Variants in BAIAP2 observed in about 807,000 individuals in gnomAD.
BAIAP2 encodes BAR/IMD domain-containing adapter protein 2.
A neutral mutation model predicts 63.0 loss-of-function variants in BAIAP2; 18 were observed. The ratio of observed to expected loss-of-function variants is 0.29; its 90% confidence interval spans 0.20 to 0.42. The LOEUF (loss-of-function observed/expected upper bound fraction) is 0.42, where lower values mean the gene tolerates loss of function less well. Among genes scored for constraint, BAIAP2 ranks in the 10% least tolerant of loss-of-function variants. The pLI is 1.00. For synonymous variants in BAIAP2, 386 were observed against 307.6 expected, an observed-to-expected ratio of 1.25 and a Z score of -2.67; for missense variants, 610 against 734.3, an observed-to-expected ratio of 0.83 and a Z score of 1.96.
chr17:81,095,733 CG>C (rs2057506528), intron 6 of BAIAP2, among the ~76,000 whole-genome samples: 2 of 152,256 alleles, frequency 1.3e-5, no homozygotes, highest in African/African-American at 4.8e-5. Context: ...GCCAGAGCAC[CG>C]TGCAGCCGTA....
chr17:81,075,062 C>T (rs930552560), intron 3 of BAIAP2, among the ~76,000 whole-genome samples: 1 of 152,220 alleles, frequency 6.6e-6, no homozygotes, highest in Non-Finnish European at 1.5e-5. Context: ...CTGTGTTGAG[C>T]CAGAGCCATT....
intron 3 of BAIAP2, among the ~76,000 whole-genome samples, chr17:81,076,934 T>G (rs1421371356): frequency 6.6e-6 from 1 of 152,102 alleles, no homozygotes; most frequent in Non-Finnish European, 1.5e-5. Context: ...TTGTGGCACT[T>G]CACTCCAGCC....
chr17:81,060,153 C>T (rs2050296427), intron 3 of BAIAP2, among the ~76,000 whole-genome samples: 1 of 152,196 alleles, frequency 6.6e-6, no homozygotes, highest in Non-Finnish European at 1.5e-5. Flanking sequence ...CTCTGGGAGT[C>T]AGGTTTTCTT....
intron 2 of BAIAP2, among the ~76,000 whole-genome samples, chr17:81,055,923 C>T (rs978414233): frequency 1.3e-5 from 2 of 152,124 alleles, no homozygotes; most frequent in Admixed American, 1.3e-4. Context: ...ACCCCCGTCC[C>T]CCAGCCAGGA....
chr17:81,115,744 A>G (rs1568207872), intron 13 of BAIAP2, 26 bp from the exon 14 acceptor site: 3 of 1,613,396 alleles, frequency 1.9e-6, no homozygotes, highest in Non-Finnish European at 2.5e-6. Context: ...CGCCCTAAAA[A>G]TTAAAACCAC....
At chr17:81,098,980 CCCCCCAT>C (rs1433701321) in intron 6 of BAIAP2, among the ~76,000 whole-genome samples, 1 of 90,506 alleles carries the variant, frequency 1.1e-5, no homozygotes, top group African/African-American at 3.3e-5. Flanking sequence ...ATCCCCCCAT[CCCCCCAT>C]CCCCCCATCC....
At chr17:81,058,500 C>T (rs1361567525) in intron 3 of BAIAP2, among the ~76,000 whole-genome samples, 1 of 152,226 alleles carries the variant, frequency 6.6e-6, no homozygotes, top group Non-Finnish European at 1.5e-5. Flanking sequence ...TCAGGGCCCA[C>T]GTGGTGGTGC....
intron 4 of BAIAP2, 85 bp downstream of exon 4, chr17:81,084,978 G>A: frequency 7.2e-7 from 1 of 1,383,580 alleles, no homozygotes; most frequent in Non-Finnish European, 1.0e-6. Flanking sequence ...GTGTCCACTT[G>A]GGAACAGTCC....
chr17:81,103,370 G>A (rs1328691681), intron 7 of BAIAP2, 132 bp from the exon 8 acceptor site: 8 of 863,816 alleles, frequency 9.3e-6, no homozygotes, highest in African/African-American at 3.4e-5. Context: ...GGCCTGTCTC[G>A]CCGAGAGGTA....
At chr17:81,098,962 G>GTCCCCCCATCCCCCCA (rs57728912) in intron 6 of BAIAP2, among the ~76,000 whole-genome samples, 82 of 137,844 alleles carry the variant, frequency 5.9e-4, no homozygotes, top group South Asian at 1.6e-3. Context: ...CATTCTCCCC[G>GTCCCCCCATCCCCCCA]TCCCCCCATC....
chr17:81,060,969 A>G (rs2050442329), intron 3 of BAIAP2, among the ~76,000 whole-genome samples: 2 of 151,926 alleles, frequency 1.3e-5, no homozygotes, highest in Non-Finnish European at 2.9e-5. Flanking sequence ...ACTAAAATAC[A>G]AAAAATTAGC....
At chr17:81,056,158 C>T (rs1442683402) in intron 2 of BAIAP2, among the ~76,000 whole-genome samples, 1 of 152,162 alleles carries the variant, frequency 6.6e-6, no homozygotes, top group Non-Finnish European at 1.5e-5. Context: ...AGGCCCGGCT[C>T]GAGGTGGGTG....
intron 6 of BAIAP2, among the ~76,000 whole-genome samples, chr17:81,093,526 G>A (rs896063237): frequency 2.0e-5 from 3 of 152,108 alleles, no homozygotes; most frequent in African/African-American, 7.2e-5. Context: ...GGGAGAGATG[G>A]CCCCGCATCC....
chr17:81,109,272 C>T (rs1356221055), intron 13 of BAIAP2: 33 of 1,291,076 alleles, frequency 2.6e-5, no homozygotes, highest in South Asian at 9.2e-5. Flanking sequence ...CTGGGCCGTG[C>T]GGGGCACCCT....
intron 1 of BAIAP2, among the ~76,000 whole-genome samples, chr17:81,036,233 A>G (rs1269391705): frequency 6.6e-6 from 1 of 152,066 alleles, no homozygotes. Flanking sequence ...GCATTTTCTC[A>G]GAGGAGAAAC....
chr17:81,087,016 G>A (rs1000956169), intron 6 of BAIAP2: 41 of 180,892 alleles, frequency 2.3e-4, no homozygotes, highest in Non-Finnish European at 5.9e-5. Context: ...TCCCGCCGGC[G>A]TCACCGGTGC....
intron 3 of BAIAP2, among the ~76,000 whole-genome samples, chr17:81,067,548 C>T (rs1288085458): frequency 6.6e-6 from 1 of 150,574 alleles, no homozygotes; most frequent in Non-Finnish European, 1.5e-5. Flanking sequence ...GCAGCCGCGG[C>T]AGCCAAGTGT....
rs2058954488 is a variant in BAIAP2 at position 81,104,976 on chromosome 17, A to AGGGATCTCCCCCCAACG, written c.1268+262_1268+263insGGATCTCCCCCCAACGG. 2.3e-5 allele frequency: 8 copies of AGGGATCTCCCCCCAACG among 346,232 alleles called. No individual in the cohort carries two copies. The East Asian group carries it at 2.7e-4, about 11-fold the overall frequency. The allele number at this position is 346,232 out of a possible 1,614,324, so 21.4% of individuals were successfully genotyped here. A position where few individuals can be genotyped will look rare whatever the true frequency, so the allele number is the denominator to read the frequency against. On this transcript the variant is annotated intron_variant, in intron 10 of 13. Coordinates refer to ENST00000428708, the MANE Select transcript of BAIAP2 (RefSeq NM_001144888.2). ...CCTACAGGAGGGATCTCCCCCCAAC[A>AGGGATCTCCCCCCAACG]GCAGGGATCTCCCCCCAACGGCAGG... is the stretch of plus-strand genomic sequence containing the variant.
In BAIAP2 at chr17:81,035,165, C is replaced by T. The variant is rs2046030555; in HGVS notation, c.-90C>T. On this transcript the variant is annotated 5_prime_UTR_variant, in exon 1 of 14. Coordinates refer to ENST00000428708, the MANE Select transcript of BAIAP2 (RefSeq NM_001144888.2). ...CGCCGGGCTCTGTGGTTCGGGTCCG[C>T]TTTCGTCTCCGTCCTGCTGCCGTTA... The T allele has an allele frequency of 5.3e-6, 6 of 1,139,334 alleles. No individual in the cohort carries two copies. The highest frequency in any genetic ancestry group is 3.6e-5 in the East Asian group (1 of 28,102). 70.6% of individuals were successfully genotyped at this position (1,139,334 alleles called of 1,614,324 possible).
Sources: gnomAD v4.1 joint callset for allele counts (sites outside exome capture counted in the v4.1 genomes callset) on GRCh38, gnomAD v4.1.1 for gene constraint, MANE v1.5 for transcripts, NCBI Gene and HGNC (gene_info 2026-07-23, HGNC 2026-07-21) for gene names.